The following GMDS variants were observed in gnomAD, a reference collection of about 807,000 sequenced individuals.
GMDS encodes the protein GDP-mannose 4,6 dehydratase.
A neutral mutation model predicts 49.9 loss-of-function variants in GMDS; 20 were observed. That is an observed-to-expected ratio of 0.40 (90% CI 0.28 to 0.58). GMDS has a LOEUF of 0.58. Among genes scored for constraint, GMDS ranks in the 20% least tolerant of loss-of-function variants. GMDS has a pLI of 0.42. For synonymous variants in GMDS, 177 were observed against 178.6 expected, an observed-to-expected ratio of 0.99 and a Z score of 0.07; for missense variants, 362 against 481.4, an observed-to-expected ratio of 0.75 and a Z score of 2.32.
At chr6:1,855,180 T>C (rs930056702) in intron 7 of GMDS, among the ~76,000 whole-genome samples, 12 of 152,180 alleles carry the variant, frequency 7.9e-5, no homozygotes, top group African/African-American at 2.7e-4. Flanking sequence ...AGACATCAGG[T>C]GGCTCCAAGT....
At chr6:2,112,590 A>T (rs1018981847) in intron 4 of GMDS, among the ~76,000 whole-genome samples, 4 of 152,194 alleles carry the variant, frequency 2.6e-5, no homozygotes, top group African/African-American at 9.6e-5. Context: ...TACCCATCAT[A>T]TTCTCTCTTG....
At chr6:1,831,647 C>A (rs1756649579) in intron 7 of GMDS, among the ~76,000 whole-genome samples, 1 of 152,168 alleles carries the variant, frequency 6.6e-6, no homozygotes, top group South Asian at 2.1e-4. Context: ...CACACATATT[C>A]CTAACCTTTT....
chr6:2,055,137 A>G (rs1017069868), intron 4 of GMDS, among the ~76,000 whole-genome samples: 2 of 152,132 alleles, frequency 1.3e-5, no homozygotes, highest in Non-Finnish European at 2.9e-5. Context: ...GTAAAGATAG[A>G]GCGATAAAAA....
chr6:1,980,231 T>A (rs1453004534), intron 4 of GMDS, among the ~76,000 whole-genome samples: 1 of 151,940 alleles, frequency 6.6e-6, no homozygotes, highest in East Asian at 1.9e-4. Flanking sequence ...ATGCTCCAAT[T>A]AAAAGACACA....
chr6:1,961,100 A>AACAGAACGTGTAGATGACAAC, intron 4 of GMDS, 134 bp from the exon 5 acceptor site: 1 of 502,188 alleles, frequency 2.0e-6, no homozygotes, highest in East Asian at 2.8e-5. Context: ...ACAGCACAAT[A>AACAGAACGTGTAGATGACAAC]AGAACGTGGA....
At chr6:2,008,454 A>C (rs943463313) in intron 4 of GMDS, among the ~76,000 whole-genome samples, 20 of 152,318 alleles carry the variant, frequency 1.3e-4, no homozygotes, top group Admixed American at 5.9e-4. Context: ...GGACTGGCTG[A>C]TCTAGTGGAT....
chr6:1,951,367 G>A (rs1265248410), intron 6 of GMDS, among the ~76,000 whole-genome samples: 1 of 152,174 alleles, frequency 6.6e-6, no homozygotes. Context: ...TCAGTCAGGT[G>A]AATACTGTGT....
At chr6:1,864,827 A>G (rs1758366369) in intron 7 of GMDS, among the ~76,000 whole-genome samples, 1 of 152,226 alleles carries the variant, frequency 6.6e-6, no homozygotes, top group African/African-American at 2.4e-5. Flanking sequence ...TGAGCTGAGC[A>G]GCAAACTCCC....
intron 4 of GMDS, among the ~76,000 whole-genome samples, chr6:2,021,849 G>A (rs961542691): frequency 6.6e-6 from 1 of 152,190 alleles, no homozygotes; most frequent in African/African-American, 2.4e-5. Flanking sequence ...GGGTGGCAAG[G>A]AGCCAGGCTT....
rs139549336 is a variant in GMDS, at chr6:1,715,441, C to T, written c.987+10975G>A. On this transcript the variant is annotated intron_variant, in intron 9 of 10. Coordinates refer to ENST00000380815, the MANE Select transcript of GMDS (RefSeq NM_001500.4). ...TTTATCCCCTGACAATGTGCCAGGT[C>T]GTCTTCAAGGCCCTCCGATGTCATT... Among the ~76,000 whole-genome samples the T allele has an allele frequency of 1.2e-4, 19 of 152,290 alleles. No homozygotes were observed. The East Asian group carries it at 3.1e-3, about 25-fold the overall frequency.
chr6:2,239,070 T>A (rs1308461089), intron 1 of GMDS, among the ~76,000 whole-genome samples: 7 of 152,164 alleles, frequency 4.6e-5, no homozygotes. Context: ...GGCTCACGCC[T>A]ATAATCCCAG....
chr6:2,130,278 C>T (rs1403544145), intron 1 of GMDS, among the ~76,000 whole-genome samples: 1 of 152,160 alleles, frequency 6.6e-6, no homozygotes, highest in Non-Finnish European at 1.5e-5. Context: ...AGAAATAACT[C>T]CCATCTCCTA....
intron 4 of GMDS, among the ~76,000 whole-genome samples, chr6:2,049,804 G>T (rs1034482961): frequency 2.0e-5 from 3 of 152,214 alleles, no homozygotes; most frequent in African/African-American, 7.2e-5. Context: ...AATGAAGGCA[G>T]AAATAAAGAT....
intron 1 of GMDS, among the ~76,000 whole-genome samples, chr6:2,154,862 GCAAAAAAAAAA>G (rs1777025396): frequency 3.0e-5 from 1 of 33,830 alleles, no homozygotes; most frequent in African/African-American, 7.6e-5. Context: ...TTGAAGAGAT[GCAAAAAAAAAA>G]AAAAAAAAAA....
In GMDS at chr6:1,869,763, G is replaced by T. The variant is rs539346542; in HGVS notation, c.771+60340C>A. 3.9e-5 allele frequency among the ~76,000 whole-genome samples: 6 copies of T among 152,354 alleles called. No individual in the cohort carries two copies. In the East Asian group the frequency reaches 7.7e-4, roughly 20 times the overall value. On this transcript the variant is annotated intron_variant, in intron 7 of 10. Transcript: ENST00000380815. Reference sequence around the variant, plus strand: ...ACCCAGTGTTTGGGACCACAGTGCGGAAAAGGAACATTTAGTGGATGGCGT... The same window carrying T: ...ACCCAGTGTTTGGGACCACAGTGCGTAAAAGGAACATTTAGTGGATGGCGT...
intron 9 of GMDS, among the ~76,000 whole-genome samples, chr6:1,710,261 G>C (rs1190964094): frequency 1.3e-5 from 2 of 152,210 alleles, no homozygotes; most frequent in African/African-American, 2.4e-5. Context: ...GAAAACATTT[G>C]TGTATGTGTA....
At chr6:1,840,336 C>T (rs546780548) in intron 7 of GMDS, among the ~76,000 whole-genome samples, 2 of 152,314 alleles carry the variant, frequency 1.3e-5, no homozygotes, top group Non-Finnish European at 2.9e-5. Context: ...ACATACATCA[C>T]GTGCCTGGCA....
rs183806628 is a variant in GMDS, at chr6:1,841,481, T to A, written c.771+88622A>T. Among the ~76,000 whole-genome samples, 20 of 152,358 alleles carry A rather than the reference T, an allele frequency of 1.3e-4. 1 individual carries two copies. The East Asian group carries it at 3.9e-3, about 29-fold the overall frequency. ...CAAATGCTAACGTTTTTGAAATGATTGCTTCCTACTAAAGATCCATGTCAC... is the reference window on the plus strand; with the variant it reads ...CAAATGCTAACGTTTTTGAAATGATAGCTTCCTACTAAAGATCCATGTCAC... On this transcript the variant is annotated intron_variant, in intron 7 of 10. Transcript: ENST00000380815.
At chr6:1,992,198 C>A (rs551116536) in intron 4 of GMDS, among the ~76,000 whole-genome samples, 5 of 152,132 alleles carry the variant, frequency 3.3e-5, no homozygotes, top group South Asian at 4.1e-4. Context: ...TAGCCCAGTA[C>A]CCCCGCTGAG....
Sources: gnomAD v4.1 joint callset for allele counts (sites outside exome capture counted in the v4.1 genomes callset) on GRCh38, gnomAD v4.1.1 for gene constraint, MANE v1.5 for transcripts, NCBI Gene and HGNC (gene_info 2026-07-23, HGNC 2026-07-21) for gene names.